The following CIB4 variants were observed in gnomAD, a reference collection of about 807,000 sequenced individuals.
CIB4 encodes calcium and integrin binding family member 4.
Under a neutral mutation model 25.8 loss-of-function variants are expected in CIB4, and 25 were observed. The ratio of observed to expected loss-of-function variants is 0.97; its 90% CI spans 0.71 to 1.35. The LOEUF is 1.35. CIB4 is among the 40% of genes most tolerant of loss of function. CIB4 has a pLI of 0.00. For synonymous variants in CIB4, 75 were observed against 81.4 expected, an observed-to-expected ratio of 0.92 and a Z score of 0.42; for missense variants, 235 against 228.2, an observed-to-expected ratio of 1.03 and a Z score of -0.19.
chr2:26,623,999 T>C (rs979529320), intron 3 of CIB4, among the ~76,000 whole-genome samples: 1 of 152,168 alleles, frequency 6.6e-6, no homozygotes, highest in African/African-American at 2.4e-5. Flanking sequence ...AAACAGAAAC[T>C]GCTGAGTGGA....
In CIB4 at chr2:26,622,131, C is replaced by T. The variant is rs776693951; in HGVS notation, c.186+7279G>A. ...ATCCCAGCATTTTGGGAGGCCGAGG[C>T]GGGTGGATCGCCTGAGGTCAGGAGT... On this transcript the variant is annotated intron_variant, in intron 3 of 6. Coordinates refer to ENST00000288861, the MANE Select transcript of CIB4 (RefSeq NM_001029881.3). Among the ~76,000 whole-genome samples the T allele has an allele frequency of 4.6e-5, 7 of 151,862 alleles. No homozygotes were observed. The South Asian group carries it at 8.4e-4, about 18-fold the overall frequency.
chr2:26,600,121 G>C (rs1668755185), intron 3 of CIB4, among the ~76,000 whole-genome samples: 1 of 139,316 alleles, frequency 7.2e-6, no homozygotes, highest in Admixed American at 7.2e-5. Flanking sequence ...GGGCGCAGTG[G>C]CTGCTAGGCA....
At chr2:26,584,094 A>G (rs1668405667) in intron 4 of CIB4, among the ~76,000 whole-genome samples, 196 bp from the exon 5 acceptor site, 2 of 152,194 alleles carry the variant, frequency 1.3e-5, no homozygotes, top group South Asian at 4.1e-4. Context: ...TACCAATGGT[A>G]GTAAGTATCG....
chr2:26,590,910 G>A (rs1297553728), intron 4 of CIB4, among the ~76,000 whole-genome samples: 1 of 152,202 alleles, frequency 6.6e-6, no homozygotes, highest in Non-Finnish European at 1.5e-5. Context: ...GGATATTGTG[G>A]TGTCTAGTCC....
chr2:26,595,823 G>C (rs1280922692), intron 3 of CIB4, among the ~76,000 whole-genome samples: 1 of 152,194 alleles, frequency 6.6e-6, no homozygotes, highest in Non-Finnish European at 1.5e-5. Context: ...GTCTTTGCTA[G>C]TAGTGATGGG....
In CIB4 at chr2:26,609,388, C is replaced by T. The variant is rs565918085; in HGVS notation, c.187-14071G>A. 2.0e-5 allele frequency among the ~76,000 whole-genome samples: 3 copies of T among 152,298 alleles called. No homozygotes were observed. In the East Asian group the frequency reaches 5.8e-4, roughly 29 times the overall value. ...AGAGACCACCTCCCTCCTCTCCCCA[C>T]CTCCCTCTCCCCAGCCTTCAGTGGT... On this transcript the variant is annotated intron_variant, in intron 3 of 6. Transcript: ENST00000288861.
chr2:26,622,711 G>A (rs1028395017), intron 3 of CIB4, among the ~76,000 whole-genome samples: 3 of 152,146 alleles, frequency 2.0e-5, no homozygotes, highest in Admixed American at 6.5e-5. Context: ...GGCCAGGTGA[G>A]GTGGCTCACA....
chr2:26,591,378 A>G (rs547051406), intron 4 of CIB4, among the ~76,000 whole-genome samples: 16 of 152,318 alleles, frequency 1.1e-4, no homozygotes, highest in African/African-American at 3.8e-4. Context: ...CTGTGGGCAC[A>G]GAGGCATAGC....
intron 3 of CIB4, among the ~76,000 whole-genome samples, chr2:26,602,422 G>A (rs1248195644): frequency 2.6e-5 from 4 of 152,138 alleles, no homozygotes; most frequent in East Asian, 1.9e-4. Context: ...CTTACCACAA[G>A]TATACAAAGA....
At chr2:26,588,330 C>A (rs1403438988) in intron 4 of CIB4, among the ~76,000 whole-genome samples, 1 of 152,248 alleles carries the variant, frequency 6.6e-6, no homozygotes, top group Non-Finnish European at 1.5e-5. Context: ...TGGACAGTTC[C>A]CCTCCTTTGG....
rs566982454 is a variant in CIB4, at chr2:26,583,842, G to A, written c.385C>T (p.Leu129=). 1 of 1,613,558 alleles carries A rather than the reference G, an allele frequency of 6.2e-7. No individual in the cohort carries two copies. The highest frequency in any genetic ancestry group is 1.7e-5 in the Admixed American group (1 of 60,030). Residue 129 remains leucine (L), a synonymous_variant, in exon 5 of 7, where the codon CTG becomes TTG. Transcript: ENST00000288861. ...EEDLQRIILR[L]LNSDDMSEDL... ...TCAGACATGTCATCACTGTTCAGCA[G>A]TCGCAGGATGATCCTCTGCAGATCC...
intron 6 of CIB4, among the ~76,000 whole-genome samples, chr2:26,582,159 G>A (rs1668358147): frequency 6.6e-6 from 1 of 152,152 alleles, no homozygotes; most frequent in Non-Finnish European, 1.5e-5. Flanking sequence ...ACCTTGAGTG[G>A]GCATACTTGA....
At chr2:26,604,622 A>G (rs1436726866) in intron 3 of CIB4, among the ~76,000 whole-genome samples, 1 of 152,190 alleles carries the variant, frequency 6.6e-6, no homozygotes, top group Non-Finnish European at 1.5e-5. Context: ...CCCCCAGACA[A>G]ACAAAACCTG....
chr2:26,626,901 T>C lies in CIB4; in HGVS notation c.186+2509A>G, dbSNP rs905212448. On this transcript the variant is annotated intron_variant, in intron 3 of 6. Transcript: ENST00000288861. ...GGAACAGGGGAAGCATAAAAGATAG[T>C]GCAGAGGACAATGGCTCACCTCCAC... is the stretch of plus-strand genomic sequence containing the variant. Among the ~76,000 whole-genome samples, 11 of 152,272 alleles carry C rather than the reference T, an allele frequency of 7.2e-5. No homozygotes were observed. In the South Asian group the frequency reaches 2.3e-3, roughly 32 times the overall value.
At position 26,587,189 on chromosome 2, in the gene CIB4, C is replaced by G. The variant is rs1310106241; in HGVS notation, c.329-3291G>C. ...GGCGTAGTGGCTGGCGCCTGTAGTC[C>G]CAGCTACTCGGGAGGCTGAGGCAGG... On this transcript the variant is annotated intron_variant, in intron 4 of 6. Transcript: ENST00000288861. 2.7e-5 allele frequency among the ~76,000 whole-genome samples: 4 copies of G among 150,232 alleles called. No homozygotes were observed. In the Admixed American group the frequency reaches 2.7e-4, roughly 10 times the overall value.
chr2:26,631,306 T>C (rs1284618576), intron 2 of CIB4, among the ~76,000 whole-genome samples: 1 of 151,968 alleles, frequency 6.6e-6, no homozygotes, highest in Non-Finnish European at 1.5e-5. Flanking sequence ...GAGACCCCAT[T>C]TCTACAAAAA....
At chr2:26,588,916 T>G (rs1201680778) in intron 4 of CIB4, among the ~76,000 whole-genome samples, 1 of 151,848 alleles carries the variant, frequency 6.6e-6, no homozygotes, top group Non-Finnish European at 1.5e-5. Context: ...TGGAGGCCAG[T>G]AGGTAAGCTC....
At chr2:26,606,200 G>T (rs868692225) in intron 3 of CIB4, among the ~76,000 whole-genome samples, 2 of 152,224 alleles carry the variant, frequency 1.3e-5, no homozygotes, top group African/African-American at 2.4e-5. Flanking sequence ...TGATGCAGAC[G>T]CTGCCACTGC....
chr2:26,624,481 T>A (rs542450061), intron 3 of CIB4, among the ~76,000 whole-genome samples: 1 of 152,142 alleles, frequency 6.6e-6, no homozygotes, highest in African/African-American at 2.4e-5. Context: ...AGTGACAAAG[T>A]TCTTGACAAC....
Sources: gnomAD v4.1 joint callset for allele counts (sites outside exome capture counted in the v4.1 genomes callset) on GRCh38, gnomAD v4.1.1 for gene constraint, MANE v1.5 for transcripts, NCBI Gene and HGNC (gene_info 2026-07-23, HGNC 2026-07-21) for gene names.